DIAPH2: variants seen among roughly 807,000 people sequenced by gnomAD.
DIAPH2 encodes diaphanous related formin 2.
DIAPH2 carries 35 observed loss-of-function variants against 92.7 expected under a neutral mutation model. The observed-to-expected ratio is 0.38, with a 90% CI of 0.29 to 0.50. DIAPH2 has a LOEUF of 0.50. Among genes scored for constraint, DIAPH2 ranks in the 20% least tolerant of loss-of-function variants. DIAPH2 has a pLI of 0.94. For synonymous variants in DIAPH2, 301 were observed against 280.4 expected (o/e 1.07, Z -0.73); for missense variants, 701 against 819.5 (o/e 0.86, Z 1.77).
chrX:97,504,352 G>A (rs1451701041), intron 26 of DIAPH2, among the ~76,000 whole-genome samples: 1 of 112,209 alleles, frequency 8.9e-6, no homozygotes, highest in Non-Finnish European at 1.9e-5. Flanking sequence ...CTTATAAAAT[G>A]TGAAATATAT....
intron 17 of DIAPH2, among the ~76,000 whole-genome samples, chrX:97,067,076 G>T (rs1028349): frequency 9.1e-6 from 1 of 109,704 alleles, no homozygotes; most frequent in African/African-American, 3.3e-5. Flanking sequence ...GGGAAGCTTC[G>T]CAGCTGTAAT....
chrX:97,451,749 G>C (rs1237064408), intron 26 of DIAPH2, among the ~76,000 whole-genome samples: 2 of 110,948 alleles, frequency 1.8e-5, no homozygotes, highest in Non-Finnish European at 3.8e-5. Flanking sequence ...TTTCTAAATG[G>C]AACAATTAGA....
At chrX:97,406,648 T>A (rs1356992310) in intron 25 of DIAPH2, among the ~76,000 whole-genome samples, 1 of 111,953 alleles carries the variant, frequency 8.9e-6, no homozygotes, top group Non-Finnish European at 1.9e-5. Context: ...AAATTTCCCC[T>A]ATACTAAAAA....
intron 24 of DIAPH2, among the ~76,000 whole-genome samples, chrX:97,368,131 C>T (rs755774206): frequency 8.9e-6 from 1 of 112,345 alleles, no homozygotes; most frequent in African/African-American, 3.2e-5. Flanking sequence ...TGACTTGATT[C>T]CATTGCTTTG....
At chrX:97,364,764 T>TTTTTGTTTTTC (rs1236204407) in intron 24 of DIAPH2, among the ~76,000 whole-genome samples, 4 of 105,295 alleles carry the variant, frequency 3.8e-5, no homozygotes, top group African/African-American at 1.4e-4. Context: ...CTGGTGTTTT[T>TTTTTGTTTTTC]TTTTTTTTTT....
chrX:97,318,135 C>T (rs762730110), intron 23 of DIAPH2, among the ~76,000 whole-genome samples: 1 of 111,465 alleles, frequency 9.0e-6, no homozygotes, highest in Admixed American at 9.6e-5. Flanking sequence ...CTGGTCTATC[C>T]TTTTTTGTTT....
intron 1 of DIAPH2, among the ~76,000 whole-genome samples, chrX:96,696,582 CTAGTG>C (rs1233933958): frequency 5.4e-5 from 6 of 112,043 alleles, no homozygotes; most frequent in African/African-American, 1.9e-4. Flanking sequence ...TTAGCCTAGT[CTAGTG>C]AAGGCCACAT....
intron 26 of DIAPH2, among the ~76,000 whole-genome samples, chrX:97,545,946 GA>G (rs1487438529): frequency 9.0e-6 from 1 of 110,666 alleles, no homozygotes; most frequent in Non-Finnish European, 1.9e-5. Flanking sequence ...AGTTAAAATG[GA>G]AGGGTATAGT....
chrX:97,449,633 T>C (rs1439068475), intron 26 of DIAPH2: 1 of 741,611 alleles, frequency 1.3e-6, no homozygotes, highest in Middle Eastern at 7.6e-4. Context: ...ACCCGGCTTT[T>C]AACAAAACAA....
In DIAPH2 at chrX:97,281,761, A is replaced by G. The variant is rs1483496003; in HGVS notation, c.2844+33922A>G. On this transcript the variant is annotated intron_variant, in intron 23 of 26. Transcript: ENST00000324765. ...TCCGTCTCAAAAAAAAAAAAAACAC[A>G]TACGCAAAAGGTTAAGGTAAAACAC... 2.7e-5 allele frequency among the ~76,000 whole-genome samples: 3 copies of G among 110,211 alleles called. No individual in the cohort carries two copies. In the Admixed American group the frequency reaches 2.9e-4, roughly 11 times the overall value.
At position 97,185,373 on chromosome X, in the gene DIAPH2, A is replaced by ATATATATG. The variant is rs1311150883; in HGVS notation, c.2719+43587_2719+43594dup. Among the ~76,000 whole-genome samples, 10 of 46,958 alleles carry ATATATATG rather than the reference A, an allele frequency of 2.1e-4. 3 individuals are homozygous for ATATATATG. The highest frequency in any genetic ancestry group is 1.6e-3 in the African/African-American group (10 of 6,324). The allele number at this position is 46,958 out of a possible 115,157, so 40.8% of individuals were successfully genotyped here. A position where few individuals can be genotyped will look rare whatever the true frequency, so the allele number is the denominator to read the frequency against. On this transcript the variant is annotated intron_variant, in intron 22 of 26. Transcript: ENST00000324765. Reference sequence around the variant, plus strand: ...TATATGTGTGTATATATATATGTATATATATATGTATATATATATGTGTAT... The same window carrying ATATATATG: ...TATATGTGTGTATATATATATGTATATATATATGTATATATGTATATATATATGTGTAT...
intron 22 of DIAPH2, among the ~76,000 whole-genome samples, chrX:97,174,433 C>T (rs2067477476): frequency 9.0e-6 from 1 of 111,395 alleles, no homozygotes; most frequent in African/African-American, 3.3e-5. Context: ...GCAAGGAGGA[C>T]GCTACTAGCT....
intron 24 of DIAPH2, among the ~76,000 whole-genome samples, chrX:97,350,379 G>A (rs891949221): frequency 9.0e-6 from 1 of 110,704 alleles, no homozygotes; most frequent in Non-Finnish European, 1.9e-5. Flanking sequence ...CTAAAACACT[G>A]TCTGTCTTAT....
intron 16 of DIAPH2, among the ~76,000 whole-genome samples, chrX:96,961,055 T>C (rs941383978): frequency 1.8e-5 from 2 of 111,709 alleles, no homozygotes; most frequent in Admixed American, 9.5e-5. Flanking sequence ...CTTTAATTGT[T>C]GTGTCCTTGT....
intron 17 of DIAPH2, among the ~76,000 whole-genome samples, chrX:96,982,300 A>C (rs1198333302): frequency 8.9e-6 from 1 of 111,960 alleles, no homozygotes; most frequent in Non-Finnish European, 1.9e-5. Flanking sequence ...ATTTTGTAGG[A>C]GTCTAAGCAA....
intron 20 of DIAPH2, among the ~76,000 whole-genome samples, chrX:97,106,360 C>T (rs1482024949): frequency 9.0e-6 from 1 of 111,239 alleles, no homozygotes; most frequent in Non-Finnish European, 1.9e-5. Flanking sequence ...TAAAAGAAAA[C>T]TCACCATGAC....
Position 97,574,498 on chromosome X carries a change from G to A in DIAPH2, c.3242-24755G>A, listed in dbSNP as rs1295060249. ...CAGTTGCTGCCTTTCCAGAGCTCACGATAAAATGGGGGAAGATAGATCGCA... is the reference window on the plus strand; with the variant it reads ...CAGTTGCTGCCTTTCCAGAGCTCACAATAAAATGGGGGAAGATAGATCGCA... On this transcript the variant is annotated intron_variant, in intron 26 of 26. Transcript: ENST00000324765. Among the ~76,000 whole-genome samples the A allele has an allele frequency of 5.4e-5, 6 of 110,992 alleles. 1 individual carries two copies. The highest frequency in any genetic ancestry group is 4.6e-3 in the Middle Eastern group (1 of 216).
chrX:97,013,875 A>G (rs149485107), intron 17 of DIAPH2, among the ~76,000 whole-genome samples: 1 of 111,800 alleles, frequency 8.9e-6, no homozygotes. Flanking sequence ...TAAAACTTAG[A>G]AACTATTAAT....
At chrX:96,859,787 G>A (rs908443452) in intron 4 of DIAPH2, among the ~76,000 whole-genome samples, 1 of 109,547 alleles carries the variant, frequency 9.1e-6, no homozygotes, top group South Asian at 4.0e-4. Context: ...GACCACAGGC[G>A]CCCACCACCA....
Sources: gnomAD v4.1 joint callset for allele counts (sites outside exome capture counted in the v4.1 genomes callset) on GRCh38, gnomAD v4.1.1 for gene constraint, MANE v1.5 for transcripts, NCBI Gene and HGNC (gene_info 2026-07-23, HGNC 2026-07-21) for gene names.